RSRC1: variants seen among roughly 807,000 people sequenced by gnomAD.
RSRC1 encodes serine/Arginine-related protein 53.
Under a neutral mutation model 49.1 loss-of-function variants are expected in RSRC1, and 39 were observed. That is an observed-to-expected ratio of 0.79 (90% confidence interval 0.61 to 1.04). The LOEUF (loss-of-function observed/expected upper bound fraction) is 1.04. RSRC1 is among the 50% of genes least tolerant of loss of function. RSRC1 has a pLI of 0.00. For missense variants in RSRC1, 388 were observed against 402.4 expected, an observed-to-expected ratio of 0.96 and a Z score of 0.31; for synonymous variants, 143 against 130.8, an observed-to-expected ratio of 1.09 and a Z score of -0.63.
chr3:158,399,511 CT>C (rs1473217550), intron 6 of RSRC1, among the ~76,000 whole-genome samples: 2 of 151,984 alleles, frequency 1.3e-5, no homozygotes, highest in Admixed American at 6.6e-5. Flanking sequence ...AGTTACTTGC[CT>C]GAGGTCACAC....
chr3:158,146,480 T>C (rs1181762824), intron 3 of RSRC1, among the ~76,000 whole-genome samples: 8 of 152,170 alleles, frequency 5.3e-5, no homozygotes, highest in East Asian at 3.8e-4. Flanking sequence ...GGATGAAGCC[T>C]ACTTGATCAT....
chr3:158,418,195 A>C (rs1226463499), intron 6 of RSRC1, among the ~76,000 whole-genome samples: 1 of 152,014 alleles, frequency 6.6e-6, no homozygotes, highest in Non-Finnish European at 1.5e-5. Context: ...CAAGAAATGC[A>C]ATCACATGTG....
At chr3:158,346,967 G>A (rs529502818) in intron 5 of RSRC1, among the ~76,000 whole-genome samples, 1 of 152,222 alleles carries the variant, frequency 6.6e-6, no homozygotes, top group African/African-American at 2.4e-5. Flanking sequence ...ATAACAACAT[G>A]GATAAGTTTC....
intron 5 of RSRC1, among the ~76,000 whole-genome samples, chr3:158,340,656 C>T (rs1452767424): frequency 6.6e-6 from 1 of 152,190 alleles, no homozygotes. Flanking sequence ...TCTTTCTGTT[C>T]CCAGTGTCGG....
At chr3:158,190,503 G>T (rs1720175591) in intron 3 of RSRC1, among the ~76,000 whole-genome samples, 1 of 150,998 alleles carries the variant, frequency 6.6e-6, no homozygotes, top group African/African-American at 2.4e-5. Context: ...TTTCTGAGAT[G>T]ACTTATTTTA....
chr3:158,355,879 T>C (rs1285979792), intron 6 of RSRC1, among the ~76,000 whole-genome samples: 4 of 151,956 alleles, frequency 2.6e-5, no homozygotes. Context: ...TATCTATCTA[T>C]ATATCTAATT....
chr3:158,154,932 AAC>A (rs902809982), intron 3 of RSRC1, among the ~76,000 whole-genome samples: 1 of 152,222 alleles, frequency 6.6e-6, no homozygotes, highest in Non-Finnish European at 1.5e-5. Context: ...CATAAGAAGC[AAC>A]TCTTCATTTG....
intron 6 of RSRC1, among the ~76,000 whole-genome samples, chr3:158,413,724 A>C (rs1179279027): frequency 6.6e-6 from 1 of 152,172 alleles, no homozygotes; most frequent in Non-Finnish European, 1.5e-5. Flanking sequence ...TGGCCAAAAA[A>C]CATGAAAAAA....
intron 6 of RSRC1, among the ~76,000 whole-genome samples, chr3:158,440,570 T>C (rs1736327563): frequency 6.6e-6 from 1 of 152,120 alleles, no homozygotes; most frequent in Admixed American, 6.6e-5. Context: ...CAATTTCTGC[T>C]TAAAAGTACA....
intron 6 of RSRC1, among the ~76,000 whole-genome samples, chr3:158,440,162 A>T (rs1224237380): frequency 1.4e-5 from 2 of 146,752 alleles, no homozygotes; most frequent in Non-Finnish European, 3.0e-5. Context: ...ATTGTGAAAG[A>T]GTGTGGTATA....
intron 5 of RSRC1, among the ~76,000 whole-genome samples, chr3:158,353,858 C>T (rs1337818722): frequency 1.3e-5 from 2 of 151,978 alleles, no homozygotes; most frequent in East Asian, 3.8e-4. Flanking sequence ...GTATGGACAA[C>T]AGTTTTTTTA....
chr3:158,174,575 T>C (rs1436557699), intron 3 of RSRC1, among the ~76,000 whole-genome samples: 1 of 151,960 alleles, frequency 6.6e-6, no homozygotes, highest in Non-Finnish European at 1.5e-5. Flanking sequence ...TCTAAATCCA[T>C]TTAGAAGTTT....
At chr3:158,325,518 T>G (rs145330503) in intron 5 of RSRC1, among the ~76,000 whole-genome samples, 2,421 of 152,296 alleles carry the variant, frequency 0.016, 85 homozygotes, top group African/African-American at 0.056. Context: ...TTGTCAGGTT[T>G]GTCAAAGATC....
chr3:158,359,085 A>C (rs996533721), intron 6 of RSRC1, among the ~76,000 whole-genome samples: 1 of 152,032 alleles, frequency 6.6e-6, no homozygotes, highest in African/African-American at 2.4e-5. Flanking sequence ...TAGGAGGGTG[A>C]TAGTGGGGTC....
At chr3:158,432,872 TAC>T (rs1230817681) in intron 6 of RSRC1, among the ~76,000 whole-genome samples, 2 of 151,858 alleles carry the variant, frequency 1.3e-5, no homozygotes, top group African/African-American at 4.8e-5. Context: ...TATATATATA[TAC>T]ACACACAGAG....
chr3:158,457,168 T>C (rs1423150813), intron 6 of RSRC1, among the ~76,000 whole-genome samples: 3 of 152,164 alleles, frequency 2.0e-5, no homozygotes, highest in Non-Finnish European at 2.9e-5. Flanking sequence ...AGAGATCAAA[T>C]AGGAGCTCCT....
intron 5 of RSRC1, chr3:158,303,308 G>C (rs1366577352): frequency 6.6e-6 from 1 of 152,158 alleles, no homozygotes; most frequent in Non-Finnish European, 1.5e-5. Context: ...CTTGAAAGAA[G>C]GACAGCTGTG....
At chr3:158,238,477 C>T (rs1723368392) in intron 4 of RSRC1, among the ~76,000 whole-genome samples, 1 of 152,152 alleles carries the variant, frequency 6.6e-6, no homozygotes, top group Admixed American at 6.5e-5. Flanking sequence ...TACTACAAGG[C>T]TACAGTAACC....
chr3:158,363,800 T>A (rs1731612461), intron 6 of RSRC1, among the ~76,000 whole-genome samples: 1 of 152,194 alleles, frequency 6.6e-6, no homozygotes, highest in Non-Finnish European at 1.5e-5. Context: ...CTTGACTATG[T>A]AGAGTGTTTA....
Sources: allele counts gnomAD v4.1 joint callset (sites outside exome capture counted in the v4.1 genomes callset), GRCh38; gene constraint gnomAD v4.1.1; transcripts MANE v1.5; gene names NCBI Gene and HGNC (gene_info 2026-07-23, HGNC 2026-07-21).